The following SCLT1 variants were observed in gnomAD, a reference collection of about 807,000 sequenced individuals.
The protein encoded by SCLT1 is sodium channel-associated protein 1.
In SCLT1, 78 loss-of-function variants were observed where a neutral mutation model predicts 112.8. That is an observed-to-expected ratio of 0.69 (90% CI 0.58 to 0.83). The LOEUF is 0.83. Ranked by LOEUF, SCLT1 falls within the 40% of genes least tolerant of loss-of-function variation. The pLI, the probability that SCLT1 is intolerant of heterozygous loss-of-function variation, is 0.00. For synonymous variants in SCLT1, 257 were observed against 254.7 expected (o/e 1.01, Z -0.09); for missense variants, 747 against 770.4 (o/e 0.97, Z 0.36).
intron 5 of SCLT1, chr4:128,873,414 C>A (rs1732356141): frequency 6.6e-6 from 1 of 152,362 alleles, no homozygotes; most frequent in Non-Finnish European, 1.5e-5. Context: ...TGAAGTGTAC[C>A]CTTGAATAGG....
intron 18 of SCLT1, among the ~76,000 whole-genome samples, chr4:128,919,272 C>T (rs562037266): frequency 1.4e-4 from 21 of 151,982 alleles, no homozygotes; most frequent in Non-Finnish European, 2.2e-4. Context: ...AAGGAAATTG[C>T]TCATAATCAT....
intron 15 of SCLT1, among the ~76,000 whole-genome samples, chr4:128,947,223 GTTT>G (rs1250931230): frequency 6.6e-6 from 1 of 152,146 alleles, no homozygotes; most frequent in Admixed American, 6.5e-5. Context: ...TGCCTTGTAA[GTTT>G]TACATTTCCC....
intron 3 of SCLT1, among the ~76,000 whole-genome samples, chr4:128,877,828 C>T (rs1732556551): frequency 6.6e-6 from 1 of 152,100 alleles, no homozygotes; most frequent in Non-Finnish European, 1.5e-5. Context: ...TTGAGTATAA[C>T]CTAATAGATA....
chr4:129,091,174 C>T (rs573794637), intron 1 of SCLT1, among the ~76,000 whole-genome samples: 11 of 152,124 alleles, frequency 7.2e-5, no homozygotes, highest in South Asian at 4.1e-4. Flanking sequence ...ATGCAAAATC[C>T]GGTTAAAGAA....
chr4:128,932,514 A>C (rs764605552), intron 18 of SCLT1, among the ~76,000 whole-genome samples: 7 of 152,130 alleles, frequency 4.6e-5, no homozygotes, highest in Non-Finnish European at 8.8e-5. Flanking sequence ...CATCATACTT[A>C]ATGGTGAAAA....
At chr4:128,981,593 C>T (rs962328661) in intron 9 of SCLT1, among the ~76,000 whole-genome samples, 3 of 152,024 alleles carry the variant, frequency 2.0e-5, no homozygotes, top group African/African-American at 7.2e-5. Context: ...AGGACAGCTT[C>T]GAGTCCCTAC....
intron 5 of SCLT1, among the ~76,000 whole-genome samples, chr4:129,008,801 C>G (rs572176828): frequency 6.6e-6 from 1 of 152,136 alleles, no homozygotes; most frequent in South Asian, 2.1e-4. Context: ...TTTCCTGATC[C>G]TCTCCCTCCT....
In SCLT1 at chr4:129,039,067, A is replaced by C; in HGVS notation, c.264T>G (p.Leu88=). ...TTTCATTTTCCTTGATGACATTTTC[A>C]AGTTGTAATTTCATCTCACCCACCT... ...QKQVGEMKLQ[L]ENVIKENERL... The change falls in exon 5 of 21, where the codon CTT becomes CTG. Residue 88 remains leucine, a synonymous_variant. Transcript: ENST00000281142. The C allele has an allele frequency of 1.3e-6, 2 of 1,593,514 alleles. No individual in the cohort carries two copies. Among genetic ancestry groups the C allele is most frequent in the Non-Finnish European group, 1.7e-6 (2 of 1,161,826 alleles).
intron 12 of SCLT1, among the ~76,000 whole-genome samples, chr4:128,959,220 T>C (rs189056422): frequency 6.6e-6 from 1 of 152,146 alleles, no homozygotes; most frequent in Admixed American, 6.5e-5. Flanking sequence ...ATAAAGTAAT[T>C]GAGTATATGA....
At position 128,959,711 on chromosome 4, in the gene SCLT1, G is replaced by T; in HGVS notation, c.936C>A (p.Thr312=). 6.2e-7 allele frequency: 1 copy of T among 1,613,216 alleles called. No homozygotes were observed. ...RTENTHLEKQ[T]RELQAKCNEL... is the part of the protein sequence containing the mutation. ...CATTGCACTTTGCTTGTAGCTCTCT[G>T]GTCTGTTTTTCCAGATGTGTATTTT... The change falls in exon 12 of 21, where the codon ACC becomes ACA. Residue 312 remains threonine (T), a synonymous_variant. Coordinates refer to ENST00000281142, the MANE Select transcript of SCLT1 (RefSeq NM_144643.4).
In SCLT1 at chr4:129,093,091, T is replaced by C; in HGVS notation, c.13A>G (p.Ile5Val). The C allele has an allele frequency of 6.2e-7, 1 of 1,613,450 alleles. No homozygotes were observed. MAAE[I>V]DFLREQNRRL... ...TTACTTTGCTCTCTCAGAAAGTCGA[T>C]TTCTGCAGCCATTTCGATACAATTT... The change falls in exon 1 of 21, where the codon ATC becomes GTC. Residue 5 changes from isoleucine to valine, a missense_variant. Physicochemically the swap from Ile to Val is conservative, Grantham distance 29. Around this residue, in one of 2 missense-constraint regions of SCLT1, gnomAD observed 723 missense variants for 721.3 expected, o/e 1.00. Coordinates refer to ENST00000281142, the MANE Select transcript of SCLT1 (RefSeq NM_144643.4).
intron 18 of SCLT1, among the ~76,000 whole-genome samples, chr4:128,935,072 T>G (rs1737074993): frequency 6.6e-6 from 1 of 152,026 alleles, no homozygotes; most frequent in African/African-American, 2.4e-5. Context: ...GAAAAGACCT[T>G]ATGATTTTTC....
intron 6 of SCLT1, 31 bp from the exon 7 acceptor site, chr4:128,999,825 T>G: frequency 6.5e-7 from 1 of 1,542,746 alleles, no homozygotes; most frequent in Non-Finnish European, 8.8e-7. Context: ...CTCATTAAAT[T>G]ATCAGCAGGC....
intron 18 of SCLT1, among the ~76,000 whole-genome samples, chr4:128,931,293 A>G (rs756485290): frequency 6.6e-6 from 1 of 152,160 alleles, no homozygotes; most frequent in African/African-American, 2.4e-5. Flanking sequence ...AATCAGAATA[A>G]TCTCTGTGGG....
chr4:129,055,080 G>T (rs1331929483), intron 2 of SCLT1, among the ~76,000 whole-genome samples: 1 of 152,178 alleles, frequency 6.6e-6, no homozygotes, highest in Non-Finnish European at 1.5e-5. Flanking sequence ...CCTGGGTATT[G>T]TATCATTAGC....
At chr4:128,956,729 G>A (rs1044314316) in intron 13 of SCLT1, among the ~76,000 whole-genome samples, 1 of 151,898 alleles carries the variant, frequency 6.6e-6, no homozygotes, top group Admixed American at 6.6e-5. Context: ...TCACCTAGGA[G>A]AGAAATAATA....
At chr4:129,055,824 A>AC (rs149969512) in intron 2 of SCLT1, among the ~76,000 whole-genome samples, 13,189 of 151,698 alleles carry the variant, frequency 0.087, 737 homozygotes, top group South Asian at 0.14. Context: ...GGCATAAAAA[A>AC]AAAAAAACAA....
chr4:129,002,689 A>G (rs1459788934), intron 6 of SCLT1, among the ~76,000 whole-genome samples: 4 of 152,158 alleles, frequency 2.6e-5, no homozygotes, highest in Admixed American at 1.3e-4. Flanking sequence ...AAAAAAGCTC[A>G]TTATTACTGG....
At chr4:128,931,628 A>G (rs1378332685) in intron 18 of SCLT1, among the ~76,000 whole-genome samples, 2 of 152,058 alleles carry the variant, frequency 1.3e-5, no homozygotes, top group East Asian at 3.9e-4. Flanking sequence ...ACGCCCGGCT[A>G]ATTTTTTGTA....
Sources: gnomAD v4.1 joint callset for allele counts (sites outside exome capture counted in the v4.1 genomes callset) on GRCh38, gnomAD v4.1.1 for gene constraint, gnomAD v4.1.1 regional missense constraint, MANE v1.5 for transcripts, NCBI Gene and HGNC (gene_info 2026-07-23, HGNC 2026-07-21) for gene names.